Variants in CBL observed in about 807,000 individuals in gnomAD.
The protein encoded by CBL is E3 ubiquitin-protein ligase CBL.
CBL carries 45 observed loss-of-function variants against 96.9 expected under a neutral mutation model. That is an observed-to-expected ratio of 0.46 (90% CI 0.37 to 0.60). The LOEUF is 0.60. Ranked by LOEUF, CBL falls within the 20% of genes least tolerant of loss-of-function variation. The pLI is 0.00. For missense variants in CBL, 1,024 were observed against 1,143.5 expected (o/e 0.90, Z 1.51); for synonymous variants, 420 against 426.8 (o/e 0.98, Z 0.20).
At chr11:119,253,293 T>C (rs1249280298) in intron 2 of CBL, among the ~76,000 whole-genome samples, 1 of 151,746 alleles carries the variant, frequency 6.6e-6, no homozygotes. Context: ...TAATGCCTGG[T>C]TCACAGAAAA....
chr11:119,210,428 A>G (rs1324316859), intron 1 of CBL, among the ~76,000 whole-genome samples: 5 of 151,960 alleles, frequency 3.3e-5, no homozygotes, highest in Non-Finnish European at 7.4e-5. Flanking sequence ...AAAGTGTTTA[A>G]TTTAGTAAGA....
chr11:119,220,759 G>A (rs1346609581), intron 1 of CBL, among the ~76,000 whole-genome samples: 1 of 152,038 alleles, frequency 6.6e-6, no homozygotes, highest in Non-Finnish European at 1.5e-5. Flanking sequence ...AGTGCTGTTG[G>A]GTGATATTTG....
At chr11:119,271,962 T>C (rs1949852647) in intron 3 of CBL, 81 bp downstream of exon 3, 1 of 1,402,986 alleles carries the variant, frequency 7.1e-7, no homozygotes, top group Non-Finnish European at 1.0e-6. Flanking sequence ...TAATGAAATA[T>C]TTAAAATTTG....
intron 1 of CBL, among the ~76,000 whole-genome samples, chr11:119,226,908 A>G (rs1346222313): frequency 2.0e-5 from 3 of 152,162 alleles, no homozygotes; most frequent in Non-Finnish European, 2.9e-5. Context: ...TACCTGTTCC[A>G]CAAATCTCTC....
chr11:119,210,603 A>ATTTTTTTTTT (rs768564444), intron 1 of CBL, among the ~76,000 whole-genome samples: 2 of 98,658 alleles, frequency 2.0e-5, no homozygotes, highest in African/African-American at 8.7e-5. Context: ...TAATTTTTCA[A>ATTTTTTTTTT]TTTTTTTTTT....
intron 2 of CBL, among the ~76,000 whole-genome samples, chr11:119,264,197 G>A (rs1409016303): frequency 6.6e-6 from 1 of 152,106 alleles, no homozygotes; most frequent in African/African-American, 2.4e-5. Context: ...ACACTTACCT[G>A]TAAATTATTG....
rs998062852 is a variant in CBL, at chr11:119,305,941, G to C, written c.*6160G>C. On this transcript the variant is annotated 3_prime_UTR_variant, in exon 16 of 16. Coordinates refer to ENST00000264033, the MANE Select transcript of CBL (RefSeq NM_005188.4). The stretch of plus-strand genomic sequence containing the variant: ...AATCCAAAGATGTCCATCAAGGGAG[G>C]AAGGGTGGGTCATCAGACTTTGCCT... 1.8e-5 allele frequency: 5 copies of C among 277,424 alleles called. No individual in the cohort carries two copies. Among genetic ancestry groups the C allele is most frequent in the African/African-American group, 4.3e-5 (2 of 46,608 alleles). 17.2% of individuals were successfully genotyped at this position (277,424 alleles called of 1,614,324 possible).
chr11:119,276,198 T>A, intron 6 of CBL, 64 bp downstream of exon 6: 1 of 1,486,416 alleles, frequency 6.7e-7, no homozygotes, highest in Non-Finnish European at 9.4e-7. Flanking sequence ...AACCTCATCA[T>A]TAATGACTTT....
chr11:119,222,292 TA>T (rs1381553359), intron 1 of CBL, among the ~76,000 whole-genome samples: 1 of 152,244 alleles, frequency 6.6e-6, no homozygotes, highest in Admixed American at 6.5e-5. Flanking sequence ...TGTTGTTCTC[TA>T]TAACTTTTTG....
In CBL at chr11:119,270,636, C is replaced by T. The variant is rs1051979726; in HGVS notation, c.444-1099C>T. On this transcript the variant is annotated intron_variant, in intron 2 of 15. Coordinates refer to ENST00000264033, the MANE Select transcript of CBL (RefSeq NM_005188.4). ...TAATTTTTTGTATTTTTAGTAGAGA[C>T]GGGGTTTCACCGTTTTAGCCGGGAT... is the stretch of plus-strand genomic sequence containing the variant. 6.0e-5 allele frequency among the ~76,000 whole-genome samples: 9 copies of T among 149,248 alleles called. No individual in the cohort carries two copies. The South Asian group carries it at 1.3e-3, about 21-fold the overall frequency.
intron 2 of CBL, among the ~76,000 whole-genome samples, chr11:119,264,682 A>G (rs1011145751): frequency 4.6e-5 from 7 of 151,260 alleles, no homozygotes; most frequent in Non-Finnish European, 7.4e-5. Flanking sequence ...GACTTTCACC[A>G]TGTTGCCCAG....
intron 2 of CBL, among the ~76,000 whole-genome samples, chr11:119,242,079 G>A (rs571771813): frequency 2.0e-4 from 31 of 152,142 alleles, no homozygotes; most frequent in Admixed American, 4.6e-4. Flanking sequence ...AGATGGATAG[G>A]TTACTAAATT....
intron 2 of CBL, among the ~76,000 whole-genome samples, chr11:119,255,173 T>C (rs980114193): frequency 5.9e-5 from 9 of 152,152 alleles, no homozygotes; most frequent in Non-Finnish European, 7.4e-5. Context: ...GTACTGACTT[T>C]ACAGGAGTTG....
At chr11:119,270,437 T>TATATATATATATATATATA (rs1491342887) in intron 2 of CBL, among the ~76,000 whole-genome samples, 1 of 18,398 alleles carries the variant, frequency 5.4e-5, no homozygotes, top group African/African-American at 3.4e-4. Context: ...TATATATATA[T>TATATATATATATATATATA]TTTTTTTTTT....
chr11:119,291,526 G>A (rs1000833622), intron 12 of CBL, among the ~76,000 whole-genome samples: 2 of 152,152 alleles, frequency 1.3e-5, no homozygotes, highest in Admixed American at 6.6e-5. Flanking sequence ...GTAACATGGC[G>A]AAACCCTATC....
chr11:119,274,751 T>G (rs1393300573), intron 4 of CBL, 81 bp from the exon 5 acceptor site: 23 of 1,338,618 alleles, frequency 1.7e-5, no homozygotes, highest in Middle Eastern at 1.8e-4. Flanking sequence ...AGAGTTGGTG[T>G]TGTTTTTTTT....
At chr11:119,279,021 A>T (rs922092047) in intron 9 of CBL, among the ~76,000 whole-genome samples, 1 of 151,956 alleles carries the variant, frequency 6.6e-6, no homozygotes. Context: ...AGCTGCATCT[A>T]TGACCAGGCA....
chr11:119,228,152 G>A (rs1439971600), intron 1 of CBL, among the ~76,000 whole-genome samples: 2 of 150,396 alleles, frequency 1.3e-5, no homozygotes, highest in Admixed American at 6.6e-5. Flanking sequence ...GTCTCATTCC[G>A]TTGCCCAGGC....
chr11:119,265,668 C>T (rs1393190997), intron 2 of CBL, among the ~76,000 whole-genome samples: 3 of 152,084 alleles, frequency 2.0e-5, no homozygotes, highest in Non-Finnish European at 4.4e-5. Context: ...GGGTGGATCA[C>T]CTGAGATCAG....
Sources: gnomAD v4.1 joint callset for allele counts (sites outside exome capture counted in the v4.1 genomes callset) on GRCh38, gnomAD v4.1.1 for gene constraint, MANE v1.5 for transcripts, NCBI Gene and HGNC (gene_info 2026-07-23, HGNC 2026-07-21) for gene names.